The following SAMMSON variants were observed in gnomAD, a reference collection of about 807,000 sequenced individuals.
The protein encoded by SAMMSON is survival associated mitochondrial melanoma specific oncogenic non-coding RNA.
intron 7 of SAMMSON, among the ~76,000 whole-genome samples, chr3:70,295,673 C>G (rs1254887141): frequency 6.6e-6 from 1 of 152,104 alleles, no homozygotes; most frequent in Admixed American, 6.5e-5. Flanking sequence ...GCTTGAGTGA[C>G]AGTGTGAGAC....
intron 9 of SAMMSON, among the ~76,000 whole-genome samples, chr3:70,359,073 T>C (rs190777381): frequency 2.0e-5 from 3 of 150,800 alleles, no homozygotes; most frequent in East Asian, 4.0e-4. Flanking sequence ...CACACACACA[T>C]ACTCTGATGT....
At chr3:70,125,111 G>A in intron 4 of SAMMSON, 2 of 1,264,060 alleles carry the variant, frequency 1.6e-6, no homozygotes, top group Non-Finnish European at 2.3e-6. Context: ...TTGTCTAGCA[G>A]ATCGAGCAAA....
chr3:70,115,630 G>A (rs2067407661), intron 4 of SAMMSON, among the ~76,000 whole-genome samples: 1 of 152,056 alleles, frequency 6.6e-6, no homozygotes, highest in African/African-American at 2.4e-5. Context: ...AAAGTACTTT[G>A]TAAAGTGGAA....
At chr3:70,341,707 T>C (rs1181801035) in intron 7 of SAMMSON, among the ~76,000 whole-genome samples, 1 of 152,202 alleles carries the variant, frequency 6.6e-6, no homozygotes, top group Non-Finnish European at 1.5e-5. Flanking sequence ...GGTCATTTTT[T>C]GTCCACGAGG....
chr3:70,333,591 C>T (rs1404361867), intron 7 of SAMMSON, among the ~76,000 whole-genome samples: 3 of 152,100 alleles, frequency 2.0e-5, no homozygotes, highest in African/African-American at 4.8e-5. Flanking sequence ...ACCATCCGGG[C>T]CTTGATTTTA....
intron 3 of SAMMSON, among the ~76,000 whole-genome samples, chr3:70,043,680 G>T (rs1194978715): frequency 6.6e-6 from 1 of 152,000 alleles, no homozygotes; most frequent in African/African-American, 2.4e-5. Context: ...TTTATAAACT[G>T]ATAGACTACA....
At chr3:70,081,609 A>G (rs1203357914) in intron 4 of SAMMSON, among the ~76,000 whole-genome samples, 1 of 152,148 alleles carries the variant, frequency 6.6e-6, no homozygotes, top group Non-Finnish European at 1.5e-5. Context: ...TTATGTAGAC[A>G]TTTTCAGAAC....
At chr3:70,010,313 C>A (rs1012864423) in intron 1 of SAMMSON, among the ~76,000 whole-genome samples, 5 of 152,086 alleles carry the variant, frequency 3.3e-5, no homozygotes, top group African/African-American at 1.2e-4. Context: ...CTTTATGAAT[C>A]TGGGTGCTCC....
At chr3:70,281,981 TG>T (rs1395583096) in intron 6 of SAMMSON, among the ~76,000 whole-genome samples, 3 of 152,182 alleles carry the variant, frequency 2.0e-5, no homozygotes, top group Non-Finnish European at 4.4e-5. Context: ...TGGCTTAGGA[TG>T]GAAGTCCACC....
At chr3:70,246,701 C>T (rs565124147) in intron 4 of SAMMSON, among the ~76,000 whole-genome samples, 1 of 152,008 alleles carries the variant, frequency 6.6e-6, no homozygotes, top group East Asian at 1.9e-4. Flanking sequence ...AAATTATGGG[C>T]ACTCTATATT....
intron 3 of SAMMSON, among the ~76,000 whole-genome samples, chr3:70,017,897 C>A (rs58166970): frequency 0.38 from 57,450 of 151,480 alleles, 11,238 homozygotes; most frequent in East Asian, 0.61. Flanking sequence ...TATTGATTTG[C>A]ATATGTTGAA....
chr3:70,144,220 C>T (rs552703024), intron 4 of SAMMSON, among the ~76,000 whole-genome samples: 138 of 152,116 alleles, frequency 9.1e-4, no homozygotes, highest in African/African-American at 3.2e-3. Flanking sequence ...TAAGGCCATT[C>T]ACAGGGACAG....
chr3:70,142,627 T>A (rs924546906), intron 4 of SAMMSON, among the ~76,000 whole-genome samples: 1 of 151,824 alleles, frequency 6.6e-6, no homozygotes, highest in East Asian at 1.9e-4. Flanking sequence ...ATCTCACAAA[T>A]CACCACCAAA....
intron 4 of SAMMSON, among the ~76,000 whole-genome samples, chr3:70,179,510 T>C (rs2106704479): frequency 6.6e-6 from 1 of 152,292 alleles, no homozygotes; most frequent in East Asian, 1.9e-4. Flanking sequence ...TGTTGACCAG[T>C]CCAAGCAATG....
chr3:70,300,580 T>C (rs961872284), intron 7 of SAMMSON, among the ~76,000 whole-genome samples: 2 of 152,024 alleles, frequency 1.3e-5, no homozygotes, highest in African/African-American at 4.8e-5. Context: ...TTTCAAAAAT[T>C]ATATTTGATT....
At chr3:70,070,883 A>T (rs1056387883) in intron 3 of SAMMSON, among the ~76,000 whole-genome samples, 1 of 152,072 alleles carries the variant, frequency 6.6e-6, no homozygotes, top group Non-Finnish European at 1.5e-5. Flanking sequence ...ATATGGAGGT[A>T]AAAACCCAAA....
chr3:70,169,438 G>A (rs1362606871), intron 4 of SAMMSON, among the ~76,000 whole-genome samples: 1 of 151,860 alleles, frequency 6.6e-6, no homozygotes, highest in East Asian at 1.9e-4. Flanking sequence ...GTATGATTTA[G>A]GGTGATATTT....
intron 7 of SAMMSON, chr3:70,312,458 C>G (rs1280306728): frequency 6.6e-6 from 1 of 152,224 alleles, no homozygotes; most frequent in African/African-American, 2.4e-5. Flanking sequence ...AAGGTGTTGA[C>G]GAGACCTATT....
chr3:70,363,091 A>G (rs559429933), intron 9 of SAMMSON, among the ~76,000 whole-genome samples: 2 of 152,224 alleles, frequency 1.3e-5, no homozygotes, highest in South Asian at 4.1e-4. Context: ...ATTGAAAGGT[A>G]AAGAAGAATA....
Sources: allele counts gnomAD v4.1 joint callset (sites outside exome capture counted in the v4.1 genomes callset), GRCh38; gene constraint gnomAD v4.1.1; transcripts MANE v1.5; gene names NCBI Gene and HGNC (gene_info 2026-07-23, HGNC 2026-07-21).